LARP1: variants seen among roughly 807,000 people sequenced by gnomAD.
The protein encoded by LARP1 is la-related protein 1.
A neutral mutation model predicts 122.7 loss-of-function variants in LARP1; 36 were observed. The ratio of observed to expected loss-of-function variants is 0.29; its 90% CI spans 0.22 to 0.39. The LOEUF is 0.39. LARP1 is among the 10% of genes least tolerant of loss of function. The probability of loss-of-function intolerance (pLI) is 1.00; values close to 1 mark genes in which losing one functional copy is unlikely to be tolerated. For synonymous variants in LARP1, 539 were observed against 528.7 expected (o/e 1.02, Z -0.27); for missense variants, 1,040 against 1,403.6 (o/e 0.74, Z 4.14).
At chr5:154,726,962 C>G (rs958701607) in intron 1 of LARP1, among the ~76,000 whole-genome samples, 1 of 152,218 alleles carries the variant, frequency 6.6e-6, no homozygotes, top group African/African-American at 2.4e-5. Flanking sequence ...AAACCGCTTC[C>G]ATGATTCACT....
At chr5:154,804,130 C>T (rs1758563244) in intron 13 of LARP1, 71 bp from the exon 14 acceptor site, 1 of 1,106,084 alleles carries the variant, frequency 9.0e-7, no homozygotes, top group Middle Eastern at 2.0e-4. Context: ...CATCTTAGTC[C>T]TACAAGTGCT....
chr5:154,709,973 T>G (rs927244363), upstream of LARP1, among the ~76,000 whole-genome samples: 2 of 152,154 alleles, frequency 1.3e-5, no homozygotes, highest in African/African-American at 4.8e-5. Flanking sequence ...TAGGTTCTCA[T>G]AAGGAGTGCA....
rs1280013513 is a variant in LARP1, at chr5:154,815,469, T to C, written c.*1373T>C. On this transcript the variant is annotated 3_prime_UTR_variant, in exon 19 of 19. Transcript: ENST00000518297. The stretch of plus-strand genomic sequence containing the variant: ...AAAGGTGAACACCTGCAGCTGAGGC[T>C]TGGAAACGTTTCTTGTGTTGCCCTG... 1.3e-5 allele frequency: 2 copies of C among 152,230 alleles called. No individual in the cohort carries two copies. Among genetic ancestry groups the C allele is most frequent in the Non-Finnish European group, 2.9e-5 (2 of 68,030 alleles). The allele number at this position is 152,230 out of a possible 1,614,324, so 9.4% of individuals were successfully genotyped here. A position where few individuals can be genotyped will look rare whatever the true frequency, so the allele number is the denominator to read the frequency against.
upstream of LARP1, among the ~76,000 whole-genome samples, chr5:154,752,896 A>G (rs766305891): frequency 1.3e-5 from 2 of 151,896 alleles, no homozygotes; most frequent in Non-Finnish European, 2.9e-5. Flanking sequence ...CTGAGATCCC[A>G]CCACTGCACT....
rs1237670303 is a variant in LARP1 at position 154,747,024 on chromosome 5, G to A, written c.205+33894G>A. On this transcript the variant is annotated intron_variant, in intron 1 of 18. Coordinates refer to the LARP1 transcript ENST00000336314. ...TGGGCACCTGTAATCTCAGCGGCTC[G>A]GGAGGCTGAGGCAGAGAATTGCTTG... 5.9e-5 allele frequency among the ~76,000 whole-genome samples: 9 copies of A among 152,192 alleles called. No individual in the cohort carries two copies. In the East Asian group the frequency reaches 1.6e-3, roughly 26 times the overall value.
At chr5:154,745,244 T>G (rs1753129312) in intron 1 of LARP1, among the ~76,000 whole-genome samples, 1 of 152,190 alleles carries the variant, frequency 6.6e-6, no homozygotes, top group African/African-American at 2.4e-5. Context: ...ATGCAATCTT[T>G]AGAAGCCCTG....
intron 1 of LARP1, among the ~76,000 whole-genome samples, chr5:154,728,532 C>T (rs1030566190): frequency 2.6e-5 from 4 of 152,132 alleles, no homozygotes; most frequent in African/African-American, 7.2e-5. Flanking sequence ...TAAGTTGAGC[C>T]TATCCTTCTG....
At chr5:154,684,134 A>T (rs1229240593) in intron 1 of LARP1, among the ~76,000 whole-genome samples, 1 of 152,164 alleles carries the variant, frequency 6.6e-6, no homozygotes, top group Non-Finnish European at 1.5e-5. Flanking sequence ...CCTAATGTGT[A>T]CATGATTCCT....
intron 1 of LARP1, among the ~76,000 whole-genome samples, chr5:154,695,244 G>A (rs1267482849): frequency 6.6e-6 from 1 of 152,012 alleles, no homozygotes; most frequent in Non-Finnish European, 1.5e-5. Context: ...CCTGGGAGGC[G>A]GAGCTTGCAG....
At chr5:154,788,591 T>C (rs1483178251) in intron 1 of LARP1, among the ~76,000 whole-genome samples, 1 of 152,022 alleles carries the variant, frequency 6.6e-6, no homozygotes, top group East Asian at 1.9e-4. Context: ...GGCAAAGTGA[T>C]AGGGGAGAAG....
chr5:154,756,352 C>A, intron 1 of LARP1, 159 bp downstream of exon 1: 1 of 927,822 alleles, frequency 1.1e-6, no homozygotes, highest in Non-Finnish European at 1.3e-6. Context: ...GCCGCGCCCT[C>A]CCCCCCACCG....
chr5:154,792,034 G>C (rs551426588), intron 3 of LARP1: 1 of 450,512 alleles, frequency 2.2e-6, no homozygotes, highest in Non-Finnish European at 4.5e-6. Flanking sequence ...TTATTCCCCA[G>C]CCTGTGTTCT....
intron 1 of LARP1, among the ~76,000 whole-genome samples, chr5:154,689,128 C>T (rs1441502185): frequency 3.3e-5 from 5 of 151,642 alleles, no homozygotes; most frequent in Admixed American, 1.3e-4. Flanking sequence ...AGACCAGCCT[C>T]GCCAACATGG....
At chr5:154,748,061 G>A (rs1430531932) in intron 1 of LARP1, among the ~76,000 whole-genome samples, 2 of 152,106 alleles carry the variant, frequency 1.3e-5, no homozygotes, top group East Asian at 1.9e-4. Flanking sequence ...TATTGGCCAC[G>A]CTTGTCCTGA....
chr5:154,754,591 G>T (rs1275504166), upstream of LARP1, among the ~76,000 whole-genome samples: 1 of 152,256 alleles, frequency 6.6e-6, no homozygotes, highest in Non-Finnish European at 1.5e-5. Context: ...GCGGCGGGGA[G>T]AAGGGCCTGG....
At chr5:154,689,787 A>T (rs1348652408) in intron 1 of LARP1, among the ~76,000 whole-genome samples, 1 of 152,106 alleles carries the variant, frequency 6.6e-6, no homozygotes, top group East Asian at 1.9e-4. Flanking sequence ...TCAAAAATGG[A>T]GTGATTGGGC....
At chr5:154,685,683 A>G (rs1017790703) in intron 1 of LARP1, 3 of 381,260 alleles carry the variant, frequency 7.9e-6, no homozygotes, top group Admixed American at 7.0e-5. Context: ...TGCAGATTAG[A>G]AAAAGGGGTC....
chr5:154,694,655 T>C (rs1231418923), intron 1 of LARP1, among the ~76,000 whole-genome samples: 1 of 152,146 alleles, frequency 6.6e-6, no homozygotes. Context: ...GTTAAGTGTA[T>C]TGTTATGGAA....
chr5:154,811,454 T>A (rs565446963), intron 17 of LARP1, 59 bp from the exon 18 acceptor site: 1 of 1,612,638 alleles, frequency 6.2e-7, no homozygotes, highest in African/African-American at 1.3e-5. Context: ...AACACCTCCC[T>A]CTCTCCTCTG....
Sources: allele counts gnomAD v4.1 joint callset (sites outside exome capture counted in the v4.1 genomes callset), GRCh38; gene constraint gnomAD v4.1.1; transcripts MANE v1.5; gene names NCBI Gene and HGNC (gene_info 2026-07-23, HGNC 2026-07-21).